The following SUGCT variants were observed in gnomAD, a reference collection of about 807,000 sequenced individuals.
SUGCT encodes the protein succinyl-CoA:glutarate CoA-transferase.
In SUGCT, 41 loss-of-function variants were observed where a neutral mutation model predicts 55.0. The ratio of observed to expected loss-of-function variants is 0.74; its 90% CI spans 0.58 to 0.97. The LOEUF (loss-of-function observed/expected upper bound fraction) is 0.97, where lower values mean the gene tolerates loss of function less well. SUGCT is among the 50% of genes least tolerant of loss of function. The pLI is 0.00. For missense variants in SUGCT, 568 were observed against 547.8 expected (o/e 1.04, Z -0.37); for synonymous variants, 187 against 200.4 (o/e 0.93, Z 0.56).
chr7:40,296,888 A>G (rs1290755569), intron 8 of SUGCT, among the ~76,000 whole-genome samples: 1 of 152,118 alleles, frequency 6.6e-6, no homozygotes, highest in Non-Finnish European at 1.5e-5. Context: ...GAGCCAAACT[A>G]CATTGATTTA....
At chr7:40,536,084 G>T (rs1233797740) in intron 12 of SUGCT, among the ~76,000 whole-genome samples, 2 of 152,168 alleles carry the variant, frequency 1.3e-5, no homozygotes, top group East Asian at 3.8e-4. Context: ...TTTGTCGAAT[G>T]CATGGTTTGC....
At chr7:40,601,762 T>C (rs1212089302) in intron 12 of SUGCT, among the ~76,000 whole-genome samples, 3 of 151,826 alleles carry the variant, frequency 2.0e-5, no homozygotes, top group African/African-American at 7.3e-5. Flanking sequence ...TCTCATCAGC[T>C]ATCTTTAGTG....
At chr7:40,473,133 C>CA (rs1389799731) in intron 11 of SUGCT, among the ~76,000 whole-genome samples, 1 of 152,114 alleles carries the variant, frequency 6.6e-6, no homozygotes, top group East Asian at 1.9e-4. Flanking sequence ...TCTGATGAAA[C>CA]ACAGTCCACC....
At chr7:40,197,710 A>C (rs1377939153) in intron 6 of SUGCT, among the ~76,000 whole-genome samples, 1 of 152,234 alleles carries the variant, frequency 6.6e-6, no homozygotes, top group Non-Finnish European at 1.5e-5. Flanking sequence ...GGCCAAGTCC[A>C]ATACCAATGG....
At chr7:40,890,267 TA>T in the SUGCT span, among the ~76,000 whole-genome samples, 37 of 143,402 alleles carry the variant, frequency 2.6e-4, no homozygotes, top group Admixed American at 2.4e-3. Flanking sequence ...TTATATTATA[TA>T]ATATAAATTA....
At position 40,860,657 on chromosome 7, in the gene SUGCT, AATG is replaced by A; in HGVS notation, c.*179_*181del. ...GTATTAATGAATCTAGTGCCTTTTA[AATG>A]TATCCCACGTTTTGTTCCCTACCAT... is the stretch of plus-strand genomic sequence containing the variant. On this transcript the variant is annotated 3_prime_UTR_variant, in exon 14 of 14. Coordinates refer to ENST00000335693, the MANE Select transcript of SUGCT (RefSeq NM_001193313.2). 2.1e-6 allele frequency: 1 copy of A among 487,024 alleles called. No homozygotes were observed. 30.2% of individuals were successfully genotyped at this position (487,024 alleles called of 1,614,324 possible).
At position 40,341,175 on chromosome 7, in the gene SUGCT, A is replaced by G. The variant is rs544457937; in HGVS notation, c.816+24320A>G. Among the ~76,000 whole-genome samples the G allele has an allele frequency of 2.0e-5, 3 of 152,346 alleles. No individual in the cohort carries two copies. In the South Asian group the frequency reaches 6.2e-4, roughly 32 times the overall value. On this transcript the variant is annotated intron_variant, in intron 9 of 13. Coordinates refer to ENST00000335693, the MANE Select transcript of SUGCT (RefSeq NM_001193313.2). ...TACAATCTATTGACTGTTGAATCTC[A>G]TTCATATTAGTAAACTCCAGAAATT...
At chr7:40,165,867 C>T (rs1455746806) in intron 1 of SUGCT, among the ~76,000 whole-genome samples, 3 of 152,042 alleles carry the variant, frequency 2.0e-5, no homozygotes, top group African/African-American at 4.8e-5. Context: ...TGCCTATGAC[C>T]GCAGAACTTT....
rs76589113 is a variant in SUGCT at position 40,625,604 on chromosome 7, T to C, written c.1090-123830T>C. ...CTTCTTACCCATGCCTCCTTGAGCC[T>C]CACCTCTTTTACCCCAGGCAACTCA... is the stretch of plus-strand genomic sequence containing the variant. On this transcript the variant is annotated intron_variant, in intron 12 of 13. Coordinates refer to ENST00000335693, the MANE Select transcript of SUGCT (RefSeq NM_001193313.2). Among the ~76,000 whole-genome samples the C allele has an allele frequency of 7.4e-3, 1,129 of 152,244 alleles. 59 individuals carry two copies. The East Asian group carries it at 0.12, about 16-fold the overall frequency.
At chr7:40,208,805 A>G (rs1250163293) in intron 6 of SUGCT, among the ~76,000 whole-genome samples, 2 of 152,190 alleles carry the variant, frequency 1.3e-5, no homozygotes, top group African/African-American at 2.4e-5. Flanking sequence ...TCAGACTCCC[A>G]AAGTGCTAGG....
At chr7:40,684,157 A>T (rs761380769) in intron 12 of SUGCT, 2 of 1,567,332 alleles carry the variant, frequency 1.3e-6, no homozygotes, top group Non-Finnish European at 1.7e-6. Context: ...TTCTCTTACT[A>T]CATCTCACTT....
chr7:40,313,417 C>G (rs1025056762), intron 8 of SUGCT, among the ~76,000 whole-genome samples: 2 of 152,130 alleles, frequency 1.3e-5, no homozygotes, highest in African/African-American at 4.8e-5. Context: ...CATACATAAT[C>G]ACATCATAGC....
chr7:40,642,059 G>C (rs752863149), intron 12 of SUGCT, among the ~76,000 whole-genome samples: 3 of 152,096 alleles, frequency 2.0e-5, no homozygotes, highest in Non-Finnish European at 4.4e-5. Flanking sequence ...TTCCCTTCCC[G>C]TGGTCTTTAC....
chr7:40,633,376 C>G (rs938293672), intron 12 of SUGCT, among the ~76,000 whole-genome samples: 1 of 152,094 alleles, frequency 6.6e-6, no homozygotes. Context: ...ATCCTGCATG[C>G]CAAAACACAT....
intron 8 of SUGCT, among the ~76,000 whole-genome samples, chr7:40,292,850 A>G (rs779133030): frequency 1.4e-4 from 21 of 152,206 alleles, no homozygotes; most frequent in Non-Finnish European, 3.1e-4. Context: ...TTGAGATATC[A>G]GCTCAATGAA....
intron 9 of SUGCT, among the ~76,000 whole-genome samples, chr7:40,419,520 C>A (rs1026871767): frequency 6.6e-6 from 1 of 152,184 alleles, no homozygotes; most frequent in Non-Finnish European, 1.5e-5. Context: ...TTTCTGGCTA[C>A]AAAGCTGTAC....
At chr7:41,010,266 C>CACTGCT in the SUGCT span, among the ~76,000 whole-genome samples, 2 of 152,182 alleles carry the variant, frequency 1.3e-5, no homozygotes, top group South Asian at 4.1e-4. Flanking sequence ...ACGTAGGAAC[C>CACTGCT]ACTGCTACTG....
At position 40,284,959 on chromosome 7, in the gene SUGCT, G is replaced by A. The variant is rs533274021; in HGVS notation, c.720+10303G>A. The stretch of plus-strand genomic sequence containing the variant: ...TGAATTGGGAACATGCTCTGGTTCT[G>A]TATAACTGAAGTCATTAGTTATATT... On this transcript the variant is annotated intron_variant, in intron 8 of 13. Coordinates refer to ENST00000335693, the MANE Select transcript of SUGCT (RefSeq NM_001193313.2). 3.3e-5 allele frequency among the ~76,000 whole-genome samples: 5 copies of A among 152,258 alleles called. No homozygotes were observed. The South Asian group carries it at 1.0e-3, about 31-fold the overall frequency.
chr7:40,723,056 T>C (rs1786429934), intron 12 of SUGCT, among the ~76,000 whole-genome samples: 1 of 152,166 alleles, frequency 6.6e-6, no homozygotes, highest in Non-Finnish European at 1.5e-5. Context: ...TACAGGACTA[T>C]TGAAACTTCT....
Sources: allele counts gnomAD v4.1 joint callset (sites outside exome capture counted in the v4.1 genomes callset), GRCh38; gene constraint gnomAD v4.1.1; transcripts MANE v1.5; gene names NCBI Gene and HGNC (gene_info 2026-07-23, HGNC 2026-07-21).